Variants in ACAT1 observed in about 807,000 individuals in gnomAD.
ACAT1 encodes the protein acetyl-CoA acetyltransferase, mitochondrial.
In ACAT1, 28 loss-of-function variants were observed where a neutral mutation model predicts 47.3. The observed-to-expected ratio is 0.59, with a 90% CI of 0.44 to 0.81. The LOEUF (loss-of-function observed/expected upper bound fraction) is 0.81, where lower values mean the gene tolerates loss of function less well. ACAT1 is among the 30% of genes least tolerant of loss of function. The pLI is 0.00. For missense variants in ACAT1, 469 were observed against 524.3 expected, an observed-to-expected ratio of 0.89 and a Z score of 1.03; for synonymous variants, 181 against 173.6, an observed-to-expected ratio of 1.04 and a Z score of -0.34.
At position 108,141,616 on chromosome 11, in the gene ACAT1, G is replaced by A. The variant is rs954526075; in HGVS notation, c.742G>A (p.Val248Ile). 3.1e-6 allele frequency: 5 copies of A among 1,612,154 alleles called. No homozygotes were observed. The highest frequency in any genetic ancestry group is 4.2e-6 in the Non-Finnish European group (5 of 1,178,892). ...VTVTVKGQPDVVVKEDEEYKR... is the reference protein window; with the variant it reads ...VTVTVKGQPDIVVKEDEEYKR... ...TATTTTTATTTTAGGTCAACCAGAT[G>A]TAGTGGTGAAAGAAGATGAAGAATA... The change falls in exon 8 of 12, where the codon GTA becomes ATA. Residue 248 changes from valine (V) to isoleucine (I), a missense_variant. Physicochemically the swap from Val to Ile is conservative, Grantham distance 29. Transcript: ENST00000265838.
At chr11:108,143,051 G>A (rs1009765446) in intron 9 of ACAT1, 51 of 159,070 alleles carry the variant, frequency 3.2e-4, no homozygotes, top group African/African-American at 1.1e-3. Context: ...AGTGGTTCAC[G>A]CCTGTAACCC....
intron 1 of ACAT1, among the ~76,000 whole-genome samples, chr11:108,124,634 G>T (rs1234617402): frequency 6.6e-6 from 1 of 152,082 alleles, no homozygotes; most frequent in African/African-American, 2.4e-5. Flanking sequence ...AGCCAGAGTG[G>T]TCTTTTTATA....
At chr11:108,129,239 A>G (rs1352799790) in intron 1 of ACAT1, 1 of 152,212 alleles carries the variant, frequency 6.6e-6, no homozygotes, top group Non-Finnish European at 1.5e-5. Context: ...ACGGCTGAGT[A>G]GTATTCCATG....
intron 11 of ACAT1, 51 bp from the exon 12 acceptor site, chr11:108,147,219 A>T: frequency 6.2e-7 from 1 of 1,603,106 alleles, no homozygotes; most frequent in East Asian, 2.2e-5. Context: ...CATTTTGGTT[A>T]GTCATAAATT....
chr11:108,121,768 CG>C (rs2077154091), intron 1 of ACAT1, 90 bp downstream of exon 1: 2 of 1,451,408 alleles, frequency 1.4e-6, no homozygotes, highest in Non-Finnish European at 1.9e-6. Flanking sequence ...TTGCGGCTCC[CG>C]CGGCCCGGGC....
intron 1 of ACAT1, among the ~76,000 whole-genome samples, chr11:108,122,991 G>A (rs970403987): frequency 3.9e-5 from 6 of 152,264 alleles, no homozygotes; most frequent in Non-Finnish European, 7.4e-5. Flanking sequence ...TTGGGAGGCC[G>A]GGGTGGGTAG....
intron 1 of ACAT1, among the ~76,000 whole-genome samples, chr11:108,125,990 T>TTTTTG (rs2077241002): frequency 6.6e-6 from 1 of 151,624 alleles, no homozygotes; most frequent in East Asian, 1.9e-4. Flanking sequence ...CTGGGAAGAC[T>TTTTTG]TTTTGTTTTG....
intron 7 of ACAT1, 29 bp downstream of exon 7, chr11:108,140,244 TAG>T: frequency 1.9e-6 from 3 of 1,611,726 alleles, no homozygotes; most frequent in Non-Finnish European, 2.5e-6. Context: ...AAAGGATGAA[TAG>T]ACTTTTCATG....
At position 108,138,924 on chromosome 11, in the gene ACAT1, GAGC is replaced by G; in HGVS notation, c.464_466del (p.Ser155del). ...ATGTGATGGTGGCAGGTGGGATGGA[GAGC>G]ATGTCCAATGTTCCATATGTAATGA... On this transcript the variant is annotated inframe_deletion, in exon 6 of 12. Coordinates refer to ENST00000265838, the MANE Select transcript of ACAT1 (RefSeq NM_000019.4). 6.2e-7 allele frequency: 1 copy of G among 1,614,174 alleles called. No homozygotes were observed.
At chr11:108,132,340 C>T (rs2077377351) in intron 2 of ACAT1, among the ~76,000 whole-genome samples, 1 of 152,148 alleles carries the variant, frequency 6.6e-6, no homozygotes, top group African/African-American at 2.4e-5. Flanking sequence ...TCTCCTAGGA[C>T]CTTCTGAAGA....
At chr11:108,129,536 T>G (rs923431999) in intron 1 of ACAT1, among the ~76,000 whole-genome samples, 27 of 152,036 alleles carry the variant, frequency 1.8e-4, no homozygotes, top group Non-Finnish European at 2.9e-5. Context: ...GTCCAGCTAA[T>G]TTTTGTATTT....
intron 4 of ACAT1, 151 bp from the exon 5 acceptor site, chr11:108,134,991 T>C: frequency 3.4e-6 from 2 of 580,390 alleles, no homozygotes; most frequent in Non-Finnish European, 6.0e-6. Context: ...AAAATGAAGG[T>C]TATTTAAGCT....
chr11:108,118,035 C>T (rs2135276037), upstream of ACAT1, among the ~76,000 whole-genome samples: 1 of 152,296 alleles, frequency 6.6e-6, no homozygotes, highest in Non-Finnish European at 1.5e-5. Context: ...AGTAGCTCTT[C>T]ATTAATACAT....
At chr11:108,135,882 TA>T (rs1591364458) in intron 5 of ACAT1, among the ~76,000 whole-genome samples, 1 of 152,158 alleles carries the variant, frequency 6.6e-6, no homozygotes, top group East Asian at 1.9e-4. Context: ...GCTGGGTGAC[TA>T]AAAATTCATA....
chr11:108,131,354 A>ATTTTTTTTTTTTTTT (rs397951009), intron 1 of ACAT1, among the ~76,000 whole-genome samples: 692 of 62,618 alleles, frequency 0.011, 118 homozygotes, highest in East Asian at 0.012. Flanking sequence ...AAGACTTGGA[A>ATTTTTTTTTTTTTTT]TTTTTTTTTT....
At chr11:108,119,940 G>A (rs1282547953), upstream of ACAT1, among the ~76,000 whole-genome samples, 2 of 152,238 alleles carry the variant, frequency 1.3e-5, no homozygotes, top group African/African-American at 2.4e-5. Context: ...CCCTGGCCGC[G>A]TGCAGTGGCT....
chr11:108,136,019 C>A, intron 5 of ACAT1: 1 of 590,118 alleles, frequency 1.7e-6, no homozygotes, highest in South Asian at 2.1e-5. Context: ...AAGTTAAGTT[C>A]TACAGGCTTT....
chr11:108,134,200 C>T, intron 3 of ACAT1, 21 bp from the exon 4 acceptor site: 1 of 1,362,124 alleles, frequency 7.3e-7, no homozygotes. Flanking sequence ...GCCTTTTTGA[C>T]TTTTTTTTTT....
Position 108,146,327 on chromosome 11 carries a change from T to C in ACAT1, c.1131T>C (p.Asn377=), listed in dbSNP as rs751682437. 6.2e-6 allele frequency: 10 copies of C among 1,614,052 alleles called. No homozygotes were observed. The highest frequency in any genetic ancestry group is 7.6e-6 in the Non-Finnish European group (9 of 1,179,972). Residue 377 remains asparagine, a synonymous_variant, in exon 11 of 12, where the codon AAT becomes AAC. Coordinates refer to ENST00000265838, the MANE Select transcript of ACAT1 (RefSeq NM_000019.4). ...TTGATCCCCAAAAAGTGAATATCAA[T>C]GGAGGAGCTGTTTCTCTGGGACATC... ...LEIDPQKVNI[N]GGAVSLGHPI...
Sources: gnomAD v4.1 joint callset for allele counts (sites outside exome capture counted in the v4.1 genomes callset) on GRCh38, gnomAD v4.1.1 for gene constraint, MANE v1.5 for transcripts, NCBI Gene and HGNC (gene_info 2026-07-23, HGNC 2026-07-21) for gene names.